PCDH15: variants seen among roughly 807,000 people sequenced by gnomAD.
PCDH15 encodes the protein protocadherin-15.
PCDH15 carries 129 observed loss-of-function variants against 178.5 expected under a neutral mutation model. That is an observed-to-expected ratio of 0.72 (90% CI 0.63 to 0.84). The LOEUF is 0.84. Ranked by LOEUF, PCDH15 falls within the 40% of genes least tolerant of loss-of-function variation. The pLI is 0.00. For synonymous variants in PCDH15, 800 were observed against 732.0 expected (o/e 1.09, Z -1.50); for missense variants, 2,230 against 2,099.9 (o/e 1.06, Z -1.21).
intron 2 of PCDH15, among the ~76,000 whole-genome samples, chr10:55,606,410 T>C (rs1843218034): frequency 6.6e-6 from 1 of 150,938 alleles, no homozygotes. Context: ...AAAGTTCATA[T>C]GGAACCAAAA....
chr10:54,849,046 A>G (rs1258738120), intron 3 of PCDH15, among the ~76,000 whole-genome samples: 6 of 152,094 alleles, frequency 3.9e-5, no homozygotes, highest in East Asian at 3.9e-4. Context: ...ATTTAAAAAA[A>G]ATTACGTTGA....
At chr10:54,446,182 G>A (rs1390031333) in intron 3 of PCDH15, among the ~76,000 whole-genome samples, 5 of 151,452 alleles carry the variant, frequency 3.3e-5, no homozygotes, top group African/African-American at 1.2e-4. Context: ...TACTTCAAAA[G>A]GTTCAAATAC....
chr10:54,250,323 C>T (rs1485956868), intron 8 of PCDH15, among the ~76,000 whole-genome samples: 2 of 136,732 alleles, frequency 1.5e-5, no homozygotes, highest in Admixed American at 8.1e-5. Context: ...CAACCAGTTG[C>T]CCAGGCTAGA....
intron 21 of PCDH15, among the ~76,000 whole-genome samples, chr10:53,981,086 T>C (rs772703521): frequency 1.3e-5 from 2 of 152,190 alleles, no homozygotes; most frequent in Non-Finnish European, 2.9e-5. Context: ...AAATCCTGCA[T>C]TGGTGATGCT....
At chr10:54,724,081 C>T (rs1341304198) in intron 1 of PCDH15, among the ~76,000 whole-genome samples, 1 of 151,664 alleles carries the variant, frequency 6.6e-6, no homozygotes, top group East Asian at 1.9e-4. Flanking sequence ...AAAAAGGCAT[C>T]TGCATTTGTA....
chr10:53,809,155 G>C, intron 37 of PCDH15: 1 of 1,613,920 alleles, frequency 6.2e-7, no homozygotes, highest in East Asian at 2.2e-5. Context: ...CTCCTCCTCA[G>C]AGGGTGTCTC....
chr10:54,373,018 G>GA (rs1036082888), intron 4 of PCDH15, among the ~76,000 whole-genome samples: 1 of 151,448 alleles, frequency 6.6e-6, no homozygotes, highest in Admixed American at 6.6e-5. Flanking sequence ...CTCTGAAAAA[G>GA]AAAAAAATAT....
intron 13 of PCDH15, among the ~76,000 whole-genome samples, chr10:54,159,122 A>AAAG (rs1218562858): frequency 1.3e-5 from 2 of 151,842 alleles, no homozygotes; most frequent in East Asian, 3.9e-4. Flanking sequence ...AAAAAAAAAA[A>AAAG]AGTGAATTAT....
At chr10:54,912,197 T>G (rs1823990302) in intron 2 of PCDH15, among the ~76,000 whole-genome samples, 1 of 152,098 alleles carries the variant, frequency 6.6e-6, no homozygotes, top group African/African-American at 2.4e-5. Flanking sequence ...TAAATGCTAA[T>G]TCAGTTAAGT....
At chr10:55,339,884 A>T (rs1033627930) in intron 2 of PCDH15, among the ~76,000 whole-genome samples, 2 of 151,884 alleles carry the variant, frequency 1.3e-5, no homozygotes, top group African/African-American at 4.8e-5. Flanking sequence ...ACTTTGACTA[A>T]GGAGGGAGCT....
intron 25 of PCDH15, among the ~76,000 whole-genome samples, chr10:53,929,302 A>AT: frequency 6.6e-6 from 1 of 152,226 alleles, no homozygotes; most frequent in Admixed American, 6.5e-5. Context: ...ACTGGAATAC[A>AT]TTTTTGTTTC....
intron 3 of PCDH15, among the ~76,000 whole-genome samples, chr10:54,394,422 G>A (rs1236261492): frequency 6.9e-6 from 1 of 145,962 alleles, no homozygotes; most frequent in South Asian, 2.1e-4. Flanking sequence ...ATCACATGTC[G>A]GTACGTTCCG....
chr10:54,512,396 TG>T (rs2081780385), intron 3 of PCDH15, among the ~76,000 whole-genome samples: 1 of 144,922 alleles, frequency 6.9e-6, no homozygotes, highest in Non-Finnish European at 1.5e-5. Flanking sequence ...TGTGTGTGTG[TG>T]TGTGTATTAT....
chr10:53,814,429 T>A (rs563311057), intron 35 of PCDH15, among the ~76,000 whole-genome samples: 1 of 152,174 alleles, frequency 6.6e-6, no homozygotes, highest in Non-Finnish European at 1.5e-5. Context: ...AACGCTCAGC[T>A]CTTGCTAGCT....
chr10:55,070,121 G>A (rs1841690317), intron 2 of PCDH15, among the ~76,000 whole-genome samples: 1 of 150,186 alleles, frequency 6.7e-6, no homozygotes, highest in African/African-American at 2.4e-5. Flanking sequence ...TTTTTGATGG[G>A]GTTGTTTGTT....
chr10:54,756,056 A>AACACACACACACACACACACACAC (rs71014414), intron 1 of PCDH15, among the ~76,000 whole-genome samples: 2 of 71,676 alleles, frequency 2.8e-5, no homozygotes, highest in African/African-American at 8.8e-5. Context: ...CTCTACTAAA[A>AACACACACACACACACACACACAC]ACACACACAC....
intron 13 of PCDH15, among the ~76,000 whole-genome samples, chr10:54,156,905 G>A (rs903641394): frequency 6.6e-6 from 1 of 152,206 alleles, no homozygotes; most frequent in Non-Finnish European, 1.5e-5. Context: ...ATCCAGTGGG[G>A]CAGTCAAATA....
chr10:54,832,807 G>A (rs765849587), intron 3 of PCDH15, among the ~76,000 whole-genome samples: 15 of 152,106 alleles, frequency 9.9e-5, no homozygotes, highest in Non-Finnish European at 2.1e-4. Flanking sequence ...AGTTCTGTTA[G>A]GAGTGTTATG....
At chr10:54,402,908 T>C (rs773248153) in intron 3 of PCDH15, among the ~76,000 whole-genome samples, 3 of 151,860 alleles carry the variant, frequency 2.0e-5, no homozygotes, top group Non-Finnish European at 2.9e-5. Flanking sequence ...AGTGAAAGAG[T>C]TGCACATCTC....
Sources: gnomAD v4.1 joint callset for allele counts (sites outside exome capture counted in the v4.1 genomes callset) on GRCh38, gnomAD v4.1.1 for gene constraint, MANE v1.5 for transcripts, NCBI Gene and HGNC (gene_info 2026-07-23, HGNC 2026-07-21) for gene names.